CDH2: variants seen among roughly 807,000 people sequenced by gnomAD.
CDH2 encodes the protein cadherin-2.
CDH2 carries 17 observed loss-of-function variants against 92.0 expected under a neutral mutation model. The observed-to-expected ratio is 0.18, with a 90% CI of 0.13 to 0.28. The LOEUF (loss-of-function observed/expected upper bound fraction) is 0.28, where lower values mean the gene tolerates loss of function less well. Ranked by LOEUF, CDH2 falls within the 10% of genes least tolerant of loss-of-function variation. The pLI is 1.00. For synonymous variants in CDH2, 419 were observed against 415.9 expected (o/e 1.01, Z -0.09); for missense variants, 862 against 1,133.1 (o/e 0.76, Z 3.44).
At chr18:27,996,339 C>A (rs532327073) in intron 7 of CDH2, among the ~76,000 whole-genome samples, 219 of 152,170 alleles carry the variant, frequency 1.4e-3, no homozygotes, top group African/African-American at 5.1e-3. Context: ...AAACTCAGTA[C>A]CGACATCTAA....
chr18:28,049,263 C>T (rs969209737), intron 2 of CDH2, among the ~76,000 whole-genome samples: 4 of 152,150 alleles, frequency 2.6e-5, no homozygotes, highest in Non-Finnish European at 5.9e-5. Context: ...TCAAAAGCTT[C>T]CTCTGTGATG....
intron 2 of CDH2, among the ~76,000 whole-genome samples, chr18:28,074,556 T>C (rs1296525705): frequency 1.3e-5 from 2 of 152,006 alleles, no homozygotes; most frequent in Non-Finnish European, 2.9e-5. Flanking sequence ...GGGTCTTTAG[T>C]TTTTTTGGGT....
At chr18:27,936,295 C>T (rs1291657137) in intron 6 of CDH2, among the ~76,000 whole-genome samples, 2 of 152,110 alleles carry the variant, frequency 1.3e-5, no homozygotes, top group African/African-American at 2.4e-5. Flanking sequence ...GTTATATGCT[C>T]ATTGTACAGA....
intron 2 of CDH2, among the ~76,000 whole-genome samples, chr18:28,057,947 TG>T (rs1567982130): frequency 6.6e-6 from 1 of 152,178 alleles, no homozygotes; most frequent in East Asian, 1.9e-4. Flanking sequence ...AATATTGGTT[TG>T]GTGATTGTTC....
rs116230988 is a variant in CDH2 at position 28,025,132 on chromosome 18, G to A, written c.173-11223C>T. ...AAATTTTGTGGTGGTTGCTCCATGA[G>A]TGAGGTCTTGGTCAGGGAGATGATC... On this transcript the variant is annotated intron_variant, in intron 2 of 15. Coordinates refer to ENST00000269141, the MANE Select transcript of CDH2 (RefSeq NM_001792.5). 6.8e-3 allele frequency among the ~76,000 whole-genome samples: 1,036 copies of A among 152,282 alleles called. 10 individuals carry two copies. Among genetic ancestry groups the A allele is most frequent in the African/African-American group, 0.023 (942 of 41,574 alleles).
At chr18:27,977,029 C>G (rs970626371) in intron 14 of CDH2, among the ~76,000 whole-genome samples, 4 of 152,100 alleles carry the variant, frequency 2.6e-5, no homozygotes, top group African/African-American at 7.2e-5. Flanking sequence ...GCAACCAACC[C>G]CATTGGCCAA....
At chr18:28,092,546 GAAAA>G (rs897734272) in intron 2 of CDH2, among the ~76,000 whole-genome samples, 3 of 137,486 alleles carry the variant, frequency 2.2e-5, no homozygotes, top group African/African-American at 8.0e-5. Context: ...TTAGAAGAGA[GAAAA>G]AAAAAACAAA....
At chr18:28,010,676 T>G (rs2013070693) in intron 4 of CDH2, among the ~76,000 whole-genome samples, 1 of 151,548 alleles carries the variant, frequency 6.6e-6, no homozygotes, top group East Asian at 1.9e-4. Flanking sequence ...AGGTTTTTTT[T>G]TTTTGCGGGG....
intron 2 of CDH2, among the ~76,000 whole-genome samples, chr18:28,129,987 GC>G (rs891919555): frequency 6.6e-6 from 1 of 152,142 alleles, no homozygotes; most frequent in Admixed American, 6.5e-5. Flanking sequence ...CAGTGTCCCT[GC>G]TCTGCTGCTT....
intron 14 of CDH2, among the ~76,000 whole-genome samples, chr18:27,964,057 A>G (rs1187983548): frequency 6.6e-6 from 1 of 152,140 alleles, no homozygotes; most frequent in Non-Finnish European, 1.5e-5. Flanking sequence ...TAGCTTTTAC[A>G]TTTTTAAAAA....
rs1382002768 is a variant in CDH2, at chr18:27,985,540, T to TG, written c.1962dup (p.Thr655HisfsTer4). On this transcript the variant is annotated frameshift_variant, in exon 12 of 16. Transcript: ENST00000269141. LOFTEE classifies it high-confidence loss of function. ...AACCTGTTCTTACCATTAAGCCGAG[T>TG]GATGGTCCAATTTCTCTTAATAGTC... 1 of 1,607,736 alleles carries TG rather than the reference T, an allele frequency of 6.2e-7. No homozygotes were observed.
intron 2 of CDH2, among the ~76,000 whole-genome samples, chr18:28,072,840 A>G (rs2014645461): frequency 6.6e-6 from 1 of 152,260 alleles, no homozygotes; most frequent in Non-Finnish European, 1.5e-5. Context: ...ACATATGTTC[A>G]AAATAAAAAT....
At chr18:27,968,325 T>C (rs977970833) in intron 14 of CDH2, among the ~76,000 whole-genome samples, 1 of 151,982 alleles carries the variant, frequency 6.6e-6, no homozygotes, top group Non-Finnish European at 1.5e-5. Context: ...GCAAAATAAA[T>C]AATCAAAAAG....
intron 15 of CDH2, among the ~76,000 whole-genome samples, chr18:27,960,342 G>A (rs1200215263): frequency 2.0e-5 from 3 of 152,140 alleles, no homozygotes; most frequent in East Asian, 1.9e-4. Flanking sequence ...TTCACCCAAC[G>A]CTAGAAAAAT....
intron 2 of CDH2, among the ~76,000 whole-genome samples, chr18:28,123,998 T>C (rs1270592224): frequency 6.6e-6 from 1 of 152,178 alleles, no homozygotes; most frequent in Non-Finnish European, 1.5e-5. Context: ...AATGATGTAG[T>C]AACAAGTGAA....
chr18:27,970,835 C>G (rs1162228802), intron 14 of CDH2, among the ~76,000 whole-genome samples: 1 of 152,292 alleles, frequency 6.6e-6, no homozygotes, highest in African/African-American at 2.4e-5. Flanking sequence ...GTTGCTGCAG[C>G]ATAAAAGTAG....
chr18:28,047,104 C>T (rs920945691), intron 2 of CDH2, among the ~76,000 whole-genome samples: 1 of 152,136 alleles, frequency 6.6e-6, no homozygotes, highest in Non-Finnish European at 1.5e-5. Context: ...GCTTTGTAAT[C>T]TGCCAGGCTC....
chr18:28,080,398 G>C (rs1391442874), intron 2 of CDH2, among the ~76,000 whole-genome samples: 1 of 152,068 alleles, frequency 6.6e-6, no homozygotes, highest in East Asian at 1.9e-4. Flanking sequence ...TAAAACACAA[G>C]TTTACAGTTC....
chr18:28,077,597 A>T (rs1599082625), intron 2 of CDH2, among the ~76,000 whole-genome samples: 1 of 152,242 alleles, frequency 6.6e-6, no homozygotes, highest in East Asian at 1.9e-4. Flanking sequence ...CCAAAGAAAA[A>T]GAAATAGTGA....
Sources: allele counts gnomAD v4.1 joint callset (sites outside exome capture counted in the v4.1 genomes callset), GRCh38; gene constraint gnomAD v4.1.1; transcripts MANE v1.5; gene names NCBI Gene and HGNC (gene_info 2026-07-23, HGNC 2026-07-21).